The following CNOT1 variants were observed in gnomAD, a reference collection of about 807,000 sequenced individuals.
The protein encoded by CNOT1 is CCR4-associated factor 1.
In CNOT1, 15 loss-of-function variants were observed where a neutral mutation model predicts 273.8. That is an observed-to-expected ratio of 0.05 (90% CI 0.04 to 0.08). The LOEUF (loss-of-function observed/expected upper bound fraction) is 0.08, where lower values mean the gene tolerates loss of function less well. Among genes scored for constraint, CNOT1 ranks in the 10% least tolerant of loss-of-function variants. The probability of loss-of-function intolerance (pLI) is 1.00; values close to 1 mark genes in which losing one functional copy is unlikely to be tolerated. For synonymous variants in CNOT1, 1,022 were observed against 1,005.5 expected, an observed-to-expected ratio of 1.02 and a Z score of -0.31; for missense variants, 1,644 against 2,912.2, an observed-to-expected ratio of 0.56 and a Z score of 10.02.
At chr16:58,537,785 T>C in intron 38 of CNOT1, 106 bp downstream of exon 38, 1 of 1,438,714 alleles carries the variant, frequency 7.0e-7, no homozygotes, top group East Asian at 2.4e-5. Flanking sequence ...CATATGTGGT[T>C]GGTAAAGCAG....
chr16:58,570,965 A>G (rs899740145), intron 16 of CNOT1, among the ~76,000 whole-genome samples: 3 of 152,224 alleles, frequency 2.0e-5, no homozygotes, highest in African/African-American at 7.2e-5. Context: ...AAAGAGCCCT[A>G]TATTATCAAT....
chr16:58,576,807 T>G (rs535046538), intron 13 of CNOT1, among the ~76,000 whole-genome samples: 2 of 152,232 alleles, frequency 1.3e-5, no homozygotes, highest in Admixed American at 6.5e-5. Flanking sequence ...TTGGGTCATA[T>G]AGTCATTCAA....
intron 17 of CNOT1, among the ~76,000 whole-genome samples, chr16:58,559,290 T>C (rs1281711920): frequency 6.6e-6 from 1 of 152,144 alleles, no homozygotes; most frequent in Non-Finnish European, 1.5e-5. Context: ...CAAAATCTAA[T>C]GAACAACACT....
chr16:58,559,060 T>A (rs995934795), intron 17 of CNOT1, among the ~76,000 whole-genome samples: 2 of 152,246 alleles, frequency 1.3e-5, no homozygotes, highest in African/African-American at 4.8e-5. Context: ...TATACCTATA[T>A]ACACATAACC....
intron 17 of CNOT1, 140 bp downstream of exon 17, chr16:58,560,072 A>C: frequency 6.6e-7 from 1 of 1,515,816 alleles, no homozygotes. Flanking sequence ...CTATTTACAT[A>C]TCTCCTTTAA....
intron 1 of CNOT1, among the ~76,000 whole-genome samples, chr16:58,611,682 G>A (rs2042905993): frequency 6.6e-6 from 1 of 151,896 alleles, no homozygotes; most frequent in African/African-American, 2.4e-5. Flanking sequence ...TTAGCTGGGT[G>A]TGGTGGCAGG....
chr16:58,571,167 T>C (rs1236217578), intron 16 of CNOT1, among the ~76,000 whole-genome samples: 3 of 152,094 alleles, frequency 2.0e-5, no homozygotes, highest in African/African-American at 2.4e-5. Context: ...AGAACTATAA[T>C]GGTTATACTA....
intron 14 of CNOT1, among the ~76,000 whole-genome samples, chr16:58,575,469 A>G (rs2041424840): frequency 1.3e-5 from 2 of 152,140 alleles, no homozygotes; most frequent in South Asian, 4.1e-4. Context: ...AAGCACAACT[A>G]TATCACCAGT....
intron 1 of CNOT1, among the ~76,000 whole-genome samples, chr16:58,611,897 G>A (rs2042914934): frequency 6.6e-6 from 1 of 151,878 alleles, no homozygotes; most frequent in Non-Finnish European, 1.5e-5. Context: ...GACAAGGAAT[G>A]CCCCTCACAC....
intron 25 of CNOT1, chr16:58,548,694 C>G (rs927488129): frequency 1.1e-5 from 5 of 454,638 alleles, no homozygotes; most frequent in Non-Finnish European, 1.7e-5. Context: ...TATGCTGGTT[C>G]TAGAAGTTTT....
chr16:58,606,630 C>G (rs1262706071), intron 1 of CNOT1, among the ~76,000 whole-genome samples: 1 of 152,046 alleles, frequency 6.6e-6, no homozygotes, highest in East Asian at 1.9e-4. Flanking sequence ...TGGCAAAACC[C>G]TGTCTCTACT....
At chr16:58,539,161 C>T (rs1171652076) in intron 35 of CNOT1, among the ~76,000 whole-genome samples, 1 of 151,848 alleles carries the variant, frequency 6.6e-6, no homozygotes, top group Non-Finnish European at 1.5e-5. Context: ...GGCTCCCTAC[C>T]TACCCTGATC....
chr16:58,549,343 A>G (rs2040378574), intron 25 of CNOT1, among the ~76,000 whole-genome samples: 1 of 151,546 alleles, frequency 6.6e-6, no homozygotes, highest in Non-Finnish European at 1.5e-5. Context: ...TATCATTATC[A>G]TGAATAATAT....
At chr16:58,538,494 C>T (rs1012915449) in intron 36 of CNOT1, among the ~76,000 whole-genome samples, 4 of 152,148 alleles carry the variant, frequency 2.6e-5, no homozygotes, top group African/African-American at 7.2e-5. Flanking sequence ...TACTTATACA[C>T]GAATACCACT....
chr16:58,528,405 C>T, intron 44 of CNOT1, 70 bp downstream of exon 44: 1 of 1,083,720 alleles, frequency 9.2e-7, no homozygotes, highest in Admixed American at 1.8e-5. Context: ...AAGTGCTGAA[C>T]AGTCTACTTA....
At chr16:58,589,420 G>A (rs923178884) in intron 2 of CNOT1, among the ~76,000 whole-genome samples, 6 of 152,156 alleles carry the variant, frequency 3.9e-5, no homozygotes, top group Non-Finnish European at 7.3e-5. Context: ...GGCTGAGGCA[G>A]GAAATCACTT....
chr16:58,563,908 C>G (rs1334715335), intron 16 of CNOT1, among the ~76,000 whole-genome samples: 2 of 152,158 alleles, frequency 1.3e-5, no homozygotes, highest in Non-Finnish European at 2.9e-5. Context: ...ATGATGGATG[C>G]AAAACACTGC....
intron 2 of CNOT1, chr16:58,597,536 CA>C: frequency 5.4e-5 from 14 of 260,274 alleles, no homozygotes; most frequent in South Asian, 1.2e-4. Flanking sequence ...CTCCTCAACA[CA>C]AAAAAAAGTT....
intron 2 of CNOT1, 25 bp downstream of exon 2, chr16:58,599,211 C>G: frequency 1.2e-6 from 2 of 1,614,068 alleles, no homozygotes; most frequent in Non-Finnish European, 1.7e-6. Context: ...TTTAATGGCA[C>G]TTGTTTTCTG....
Sources: allele counts gnomAD v4.1 joint callset (sites outside exome capture counted in the v4.1 genomes callset), GRCh38; gene constraint gnomAD v4.1.1; transcripts MANE v1.5; gene names NCBI Gene and HGNC (gene_info 2026-07-23, HGNC 2026-07-21).